TMEM201: variants seen among roughly 807,000 people sequenced by gnomAD.
TMEM201 encodes the protein RP13-15M17.2.
In TMEM201, 26 loss-of-function variants were observed where a neutral mutation model predicts 63.4. The ratio of observed to expected loss-of-function variants is 0.41; its 90% confidence interval spans 0.30 to 0.57. The LOEUF (loss-of-function observed/expected upper bound fraction) is 0.57. Among genes scored for constraint, TMEM201 ranks in the 20% least tolerant of loss-of-function variants. The probability of loss-of-function intolerance (pLI) is 0.29; values close to 1 mark genes in which losing one functional copy is unlikely to be tolerated. For missense variants in TMEM201, 794 were observed against 917.7 expected (o/e 0.87, Z 1.74); for synonymous variants, 417 against 421.6 (o/e 0.99, Z 0.14).
At chr1:9,600,884 C>G (rs1442720957) in intron 4 of TMEM201, among the ~76,000 whole-genome samples, 4 of 152,102 alleles carry the variant, frequency 2.6e-5, no homozygotes, top group African/African-American at 9.7e-5. Context: ...AAGGTCACTA[C>G]AATATGGAAA....
intron 1 of TMEM201, among the ~76,000 whole-genome samples, chr1:9,594,043 G>A (rs1012302238): frequency 1.3e-5 from 2 of 152,244 alleles, no homozygotes; most frequent in African/African-American, 2.4e-5. Context: ...GGCGCCCGGT[G>A]GCGCTGTCCT....
chr1:9,613,047 G>T lies in TMEM201; in HGVS notation c.1965G>T (p.Leu655=). 1 of 1,551,364 alleles carries T rather than the reference G, an allele frequency of 6.4e-7. No individual in the cohort carries two copies. Residue 655 remains leucine (L), a synonymous_variant, in exon 11 of 11, where the codon CTG becomes CTT. Transcript: ENST00000340381. ...LLAVSLAANA[L]FTSVFLYQSL... ...CCGTGAGCTTGGCCGCCAACGCCCT[G>T]TTCACCTCGGTGTTTCTGTACCAGA... is the stretch of plus-strand genomic sequence containing the variant.
chr1:9,591,250 T>C (rs1157334620), intron 1 of TMEM201, among the ~76,000 whole-genome samples: 2 of 152,244 alleles, frequency 1.3e-5, no homozygotes, highest in Admixed American at 1.3e-4. Context: ...CGGGCTCTAC[T>C]GTTCTCCCAT....
rs1474273582 is a variant in TMEM201, at chr1:9,603,572, C to T, written c.1160+1300C>T. The T allele has an allele frequency of 1.0e-6, 1 of 985,416 alleles. No individual in the cohort carries two copies. The highest frequency in any genetic ancestry group is 1.1e-4 in the East Asian group (1 of 8,832). The allele number at this position is 985,416 out of a possible 1,614,324, so 61.0% of individuals were successfully genotyped here. Reference sequence around the variant, plus strand: ...GTGGCCAGGGTGTGCCAGCTCCTCTCTCCTGTGCGTTGGAACCCCGGGGGA... The same window carrying T: ...GTGGCCAGGGTGTGCCAGCTCCTCTTTCCTGTGCGTTGGAACCCCGGGGGA... On this transcript the variant is annotated intron_variant, in intron 6 of 10. Transcript: ENST00000340381. The surrounding 1 kb of genome is among the most constrained non-coding windows in gnomAD (Gnocchi z 4.5).
rs1229679207 is a variant in TMEM201 at position 9,610,599 on chromosome 1, C to T, written c.1559C>T (p.Ser520Phe). The change falls in exon 9 of 11, where the codon TCT becomes TTT. Residue 520 changes from serine (S) to phenylalanine (F), a missense_variant. Ser to Phe is a radical substitution (Grantham distance 155). Transcript: ENST00000340381. This position sits in a 1 kb window ranked among gnomAD's most constrained non-coding sequence, Gnocchi z 4.9. Reference protein sequence around the residue: ...VAGSVASSSGSLRHRRPLISP... With the variant: ...VAGSVASSSGFLRHRRPLISP... ...GGCTCGGTGGCCTCCAGCTCCGGCT[C>T]TCTGCGCCACCGCAGGCCCCTCATC... 16 of 1,550,394 alleles carry T rather than the reference C, an allele frequency of 1.0e-5. No homozygotes were observed. The highest frequency in any genetic ancestry group is 7.3e-5 in the East Asian group (3 of 40,932).
Position 9,610,578 on chromosome 1 carries a change from C to T in TMEM201, c.1538C>T (p.Ser513Leu), listed in dbSNP as rs1014767563. ...TCCCCAGCGCCTTCCGTGGCCGGCT[C>T]GGTGGCCTCCAGCTCCGGCTCTCTG... Reference protein sequence around the residue: ...LPSPAPSVAGSVASSSGSLRH... With the variant: ...LPSPAPSVAGLVASSSGSLRH... Residue 513 changes from serine (S) to leucine (L), a missense_variant, in exon 9 of 11, where the codon TCG (serine) becomes TTG (leucine). Transcript: ENST00000340381. The surrounding 1 kb of genome is among the most constrained non-coding windows in gnomAD (Gnocchi z 4.9). The T allele has an allele frequency of 1.9e-6, 3 of 1,550,110 alleles. No individual in the cohort carries two copies. The highest frequency in any genetic ancestry group is 1.4e-5 in the African/African-American group (1 of 73,032).
At chr1:9,601,054 G>A in intron 4 of TMEM201, 51 bp from the exon 5 acceptor site, 1 of 1,491,742 alleles carries the variant, frequency 6.7e-7, no homozygotes, top group Non-Finnish European at 9.2e-7. Context: ...GTGATGGCTG[G>A]GGGTGGCTCT....
chr1:9,611,199 CTT>C (rs70979767), intron 9 of TMEM201: 23,423 of 360,938 alleles, frequency 0.065, 8 homozygotes, highest in Middle Eastern at 0.089. Context: ...TGTAGATTTC[CTT>C]TTTTTTTTTT....
intron 6 of TMEM201, chr1:9,602,800 C>A (rs947963578): frequency 1.0e-5 from 10 of 989,882 alleles, no homozygotes; most frequent in Non-Finnish European, 1.2e-5. Context: ...AGCCTCACCC[C>A]TGAGGAGCAC....
Position 9,603,502 on chromosome 1 carries a change from A to G in TMEM201, c.1160+1230A>G, listed in dbSNP as rs1002242390. ...GGCTGCCCACTCCCTCAGGGCCCACATGTCCTGCCACTCGCCACTCTGAGC... is the reference window on the plus strand; with the variant it reads ...GGCTGCCCACTCCCTCAGGGCCCACGTGTCCTGCCACTCGCCACTCTGAGC... On this transcript the variant is annotated intron_variant, in intron 6 of 10. Coordinates refer to ENST00000340381, the MANE Select transcript of TMEM201 (RefSeq NM_001130924.3). The surrounding 1 kb of genome is among the most constrained non-coding windows in gnomAD (Gnocchi z 4.5). 2.7e-5 allele frequency: 27 copies of G among 985,234 alleles called. No homozygotes were observed. The Admixed American group carries it at 7.4e-4, about 27-fold the overall frequency. 61.0% of individuals were successfully genotyped at this position (985,234 alleles called of 1,614,324 possible). A position where few individuals can be genotyped will look rare whatever the true frequency, so the allele number is the denominator to read the frequency against.
rs1644283551 is a variant in TMEM201 at position 9,608,913 on chromosome 1, G to A, written c.1394-927G>A. The stretch of plus-strand genomic sequence containing the variant: ...GTCTCCATTACCAGAGTGGGTCGGG[G>A]GGAGGAGCCCGGTCTCCATCGCCAG... On this transcript the variant is annotated intron_variant, in intron 7 of 10. Coordinates refer to ENST00000340381, the MANE Select transcript of TMEM201 (RefSeq NM_001130924.3). The surrounding 1 kb of genome is among the most constrained non-coding windows in gnomAD (Gnocchi z 4.3). Among the ~76,000 whole-genome samples the A allele has an allele frequency of 6.6e-6, 1 of 152,206 alleles. No homozygotes were observed. The highest frequency in any genetic ancestry group is 1.5e-5 in the Non-Finnish European group (1 of 68,024).
rs774270570 is a variant in TMEM201, at chr1:9,601,173, C to T, written c.675C>T (p.Cys225=). The T allele has an allele frequency of 8.7e-6, 14 of 1,610,844 alleles. No individual in the cohort carries two copies. Among genetic ancestry groups the T allele is most frequent in the South Asian group, 4.4e-5 (4 of 91,002 alleles). Reference sequence around the variant, plus strand: ...TCCGTGCCCTCGCCTTCCTGGCCTGCGCCTTCCTACTGACCACCGCGCTGT... The same window carrying T: ...TCCGTGCCCTCGCCTTCCTGGCCTGTGCCTTCCTACTGACCACCGCGCTGT... The part of the protein sequence containing the change: ...ILLRALAFLA[C]AFLLTTALYG... The change falls in exon 5 of 11, where the codon TGC becomes TGT. Residue 225 remains cysteine, a synonymous_variant. Transcript: ENST00000340381.
In TMEM201 at chr1:9,611,677, G is replaced by A. The variant is rs1166554621; in HGVS notation, c.1766-76G>A. 8 of 1,534,034 alleles carry A rather than the reference G, an allele frequency of 5.2e-6. No individual in the cohort carries two copies. In the African/African-American group the frequency reaches 9.6e-5, roughly 18 times the overall value. ...CACTTCTGACAACTGTCCTTAGAGT[G>A]GAAGTACAGCTGCCCCGCGTCTGTC... On this transcript the variant is annotated intron_variant, in intron 9 of 10. Transcript: ENST00000340381.
chr1:9,601,784 G>A (rs1303206683), intron 5 of TMEM201, among the ~76,000 whole-genome samples: 3 of 152,168 alleles, frequency 2.0e-5, no homozygotes, highest in African/African-American at 7.2e-5. Context: ...TCCCTGAGTG[G>A]GAGCATGTCC....
At position 9,597,094 on chromosome 1, in the gene TMEM201, A is replaced by G. The variant is rs758009884; in HGVS notation, c.429+41A>G. On this transcript the variant is annotated intron_variant, in intron 3 of 10. Coordinates refer to ENST00000340381, the MANE Select transcript of TMEM201 (RefSeq NM_001130924.3). The stretch of plus-strand genomic sequence containing the variant: ...GAGGGCAGGGGTCCTGGCTGGGGCC[A>G]GGGATGCTTAGAGCAGCCGGGGGAC... The G allele has an allele frequency of 3.2e-6, 5 of 1,569,146 alleles. No homozygotes were observed. The East Asian group carries it at 1.1e-4, about 36-fold the overall frequency.
intron 6 of TMEM201, among the ~76,000 whole-genome samples, chr1:9,606,979 G>C (rs1448767223): frequency 2.6e-5 from 4 of 152,170 alleles, no homozygotes; most frequent in Non-Finnish European, 5.9e-5. Flanking sequence ...CAAGGCCAGA[G>C]AGCAGGAGGC....
intron 1 of TMEM201, among the ~76,000 whole-genome samples, chr1:9,594,339 G>C (rs1052417448): frequency 6.6e-6 from 1 of 152,240 alleles, no homozygotes; most frequent in African/African-American, 2.4e-5. Flanking sequence ...TGGGGCAGGG[G>C]GTGTGGGGTG....
In TMEM201 at chr1:9,604,048, C is replaced by G. The variant is rs542331764; in HGVS notation, c.1160+1776C>G. 5 of 985,478 alleles carry G rather than the reference C, an allele frequency of 5.1e-6. No individual in the cohort carries two copies. In the South Asian group the frequency reaches 1.9e-4, roughly 37 times the overall value. 61.0% of individuals were successfully genotyped at this position (985,478 alleles called of 1,614,324 possible). On this transcript the variant is annotated intron_variant, in intron 6 of 10. Transcript: ENST00000340381. This position sits in a 1 kb window ranked among gnomAD's most constrained non-coding sequence, Gnocchi z 4.1. ...CCTGCCTGTGCACTCACGCCACCCC[C>G]CAGCCCACAAAGAGCCCATCTGAGA...
At chr1:9,596,453 G>C (rs1293199690) in intron 2 of TMEM201, among the ~76,000 whole-genome samples, 1 of 152,252 alleles carries the variant, frequency 6.6e-6, no homozygotes, top group African/African-American at 2.4e-5. Context: ...ATACAAGAGT[G>C]AATTAGCCTG....
Sources: allele counts gnomAD v4.1 joint callset (sites outside exome capture counted in the v4.1 genomes callset), GRCh38; gene constraint gnomAD v4.1.1; non-coding constraint Gnocchi (gnomAD v3.1); transcripts MANE v1.5; gene names NCBI Gene and HGNC (gene_info 2026-07-23, HGNC 2026-07-21).